The following DENND2A variants were observed in gnomAD, a reference collection of about 807,000 sequenced individuals.
The protein encoded by DENND2A is DENN domain-containing protein 2A.
In DENND2A, 53 loss-of-function variants were observed where a neutral mutation model predicts 105.3. The ratio of observed to expected loss-of-function variants is 0.50; its 90% CI spans 0.40 to 0.63. The LOEUF is 0.63. Among genes scored for constraint, DENND2A ranks in the 30% least tolerant of loss-of-function variants. The pLI is 0.00. For missense variants in DENND2A, 1,138 were observed against 1,279.6 expected, an observed-to-expected ratio of 0.89 and a Z score of 1.69; for synonymous variants, 522 against 508.4, an observed-to-expected ratio of 1.03 and a Z score of -0.36.
intron 3 of DENND2A, among the ~76,000 whole-genome samples, chr7:140,595,113 T>C (rs1799229452): frequency 1.3e-5 from 2 of 152,008 alleles, no homozygotes; most frequent in South Asian, 4.1e-4. Flanking sequence ...TTCATGTGAT[T>C]CTCCTGCCTC....
chr7:140,539,548 T>C lies in DENND2A; in HGVS notation c.2327+5070A>G, dbSNP rs866863731. Among the ~76,000 whole-genome samples, 8 of 152,162 alleles carry C rather than the reference T, an allele frequency of 5.3e-5. No individual in the cohort carries two copies. In the South Asian group the frequency reaches 1.2e-3, roughly 24 times the overall value. ...CCCTGCCCTTCACCCAACCCTGGAGTCTGCAGCCCAGCTGCTTTCCCTCCG... is the reference window on the plus strand; with the variant it reads ...CCCTGCCCTTCACCCAACCCTGGAGCCTGCAGCCCAGCTGCTTTCCCTCCG... On this transcript the variant is annotated intron_variant, in intron 14 of 19. Coordinates refer to ENST00000496613, the MANE Select transcript of DENND2A (RefSeq NM_015689.5).
At chr7:140,531,206 T>G (rs2363830) in intron 14 of DENND2A, among the ~76,000 whole-genome samples, 19,383 of 152,238 alleles carry the variant, frequency 0.13, 2,001 homozygotes, top group African/African-American at 0.28. Context: ...TGAATTCACT[T>G]TGTTCTAAAT....
chr7:140,526,243 T>C (rs1796051769), intron 15 of DENND2A, among the ~76,000 whole-genome samples: 1 of 152,192 alleles, frequency 6.6e-6, no homozygotes, highest in African/African-American at 2.4e-5. Context: ...ACCTGCAGAC[T>C]CGGTTAGGCT....
At position 140,583,726 on chromosome 7, in the gene DENND2A, G is replaced by A. The variant is rs1475931390; in HGVS notation, c.1245+1863C>T. ...GGGCAGATCACAAGGTCAGGAGATCGAGACCATCCTGTGAATGGTGAAACC... is the reference window on the plus strand; with the variant it reads ...GGGCAGATCACAAGGTCAGGAGATCAAGACCATCCTGTGAATGGTGAAACC... On this transcript the variant is annotated intron_variant, in intron 5 of 19. Transcript: ENST00000496613. 4.1e-5 allele frequency among the ~76,000 whole-genome samples: 6 copies of A among 147,760 alleles called. 1 individual carries two copies. The highest frequency in any genetic ancestry group is 7.8e-5 in the African/African-American group (3 of 38,364).
intron 19 of DENND2A, 73 bp downstream of exon 19, chr7:140,519,559 G>A (rs1379711587): frequency 7.2e-7 from 1 of 1,386,312 alleles, no homozygotes; most frequent in Non-Finnish European, 1.0e-6. Context: ...CTCCAGTGGA[G>A]GGAACCGGCT....
chr7:140,545,633 C>CTGGG (rs1796864411), intron 13 of DENND2A, among the ~76,000 whole-genome samples: 1 of 152,182 alleles, frequency 6.6e-6, no homozygotes, highest in Non-Finnish European at 1.5e-5. Context: ...TACAGGCATG[C>CTGGG]TGGGATTACA....
At chr7:140,562,470 G>A (rs991206957) in intron 9 of DENND2A, among the ~76,000 whole-genome samples, 4 of 151,974 alleles carry the variant, frequency 2.6e-5, no homozygotes, top group Non-Finnish European at 4.4e-5. Flanking sequence ...GACCATCCTG[G>A]CTAACATGGT....
At chr7:140,623,315 CAAA>C (rs11321461) in intron 1 of DENND2A, among the ~76,000 whole-genome samples, 6 of 74,876 alleles carry the variant, frequency 8.0e-5, no homozygotes, top group Admixed American at 3.1e-4. Flanking sequence ...GCTCTATCTC[CAAA>C]AAAAAAAAAA....
In DENND2A at chr7:140,574,020, A is replaced by G; in HGVS notation, c.1246-12T>C. 6.2e-7 allele frequency: 1 copy of G among 1,614,140 alleles called. No homozygotes were observed. The highest frequency in any genetic ancestry group is 8.5e-7 in the Non-Finnish European group (1 of 1,180,010). On this transcript the variant is annotated splice_polypyrimidine_tract_variant and intron_variant, in intron 5 of 19. Transcript: ENST00000496613. ...TTGGACAATGACTGCTGTGAAGGAA[A>G]AGGAGAAAAGAAGAGTAAATGAATT...
chr7:140,563,018 C>A (rs1797694083), intron 9 of DENND2A, among the ~76,000 whole-genome samples: 1 of 152,158 alleles, frequency 6.6e-6, no homozygotes, highest in South Asian at 2.1e-4. Context: ...CAAATACCAG[C>A]TGGGTGTAAT....
Position 140,544,577 on chromosome 7 carries a change from T to G in DENND2A, c.2327+41A>C, listed in dbSNP as rs1403141416. Reference sequence around the variant, plus strand: ...ACAGACTAGAGGGTCCAAGAGCGACTGTCATTCAAACGCTTTAGCAGAAGT... The same window carrying G: ...ACAGACTAGAGGGTCCAAGAGCGACGGTCATTCAAACGCTTTAGCAGAAGT... On this transcript the variant is annotated intron_variant, in intron 14 of 19. Transcript: ENST00000496613. 1.9e-6 allele frequency: 3 copies of G among 1,613,604 alleles called. No individual in the cohort carries two copies. In the South Asian group the frequency reaches 3.3e-5, roughly 18 times the overall value.
chr7:140,600,967 A>G (rs1353221525), intron 3 of DENND2A, among the ~76,000 whole-genome samples: 1 of 152,198 alleles, frequency 6.6e-6, no homozygotes, highest in Non-Finnish European at 1.5e-5. Flanking sequence ...AGGCTTCGAG[A>G]GGTTAGATAA....
intron 1 of DENND2A, among the ~76,000 whole-genome samples, chr7:140,612,282 T>C (rs1228576888): frequency 6.6e-6 from 1 of 151,460 alleles, no homozygotes; most frequent in African/African-American, 2.4e-5. Context: ...GAATGTTATG[T>C]GCATTCTATC....
Position 140,546,787 on chromosome 7 carries a change from C to T in DENND2A, c.2178+12G>A. ...GCCTCCCCAGGGAGAAGGAAGGAGT[C>T]TGACAACTCACCTCAGTTCCTGAAC... On this transcript the variant is annotated intron_variant, in intron 13 of 19. Coordinates refer to ENST00000496613, the MANE Select transcript of DENND2A (RefSeq NM_015689.5). 3.7e-6 allele frequency: 6 copies of T among 1,613,724 alleles called. No homozygotes were observed. The highest frequency in any genetic ancestry group is 5.1e-6 in the Non-Finnish European group (6 of 1,179,782).
intron 9 of DENND2A, among the ~76,000 whole-genome samples, chr7:140,566,048 C>G (rs1797822089): frequency 6.6e-6 from 1 of 152,194 alleles, no homozygotes; most frequent in Non-Finnish European, 1.5e-5. Context: ...GCCCTCAGGG[C>G]TGTTCTGTCT....
In DENND2A at chr7:140,602,481, T is replaced by G; in HGVS notation, c.-84A>C. 7.0e-7 allele frequency: 1 copy of G among 1,427,490 alleles called. No individual in the cohort carries two copies. The highest frequency in any genetic ancestry group is 9.2e-7 in the Non-Finnish European group (1 of 1,081,656). 88.4% of individuals were successfully genotyped at this position (1,427,490 alleles called of 1,614,324 possible). A position where few individuals can be genotyped will look rare whatever the true frequency, so the allele number is the denominator to read the frequency against. ...TCCTGATCAGTCTCTAGGAATGGAATGGAGGACTAAAGTGGATGCCTTCGA... is the reference window on the plus strand; with the variant it reads ...TCCTGATCAGTCTCTAGGAATGGAAGGGAGGACTAAAGTGGATGCCTTCGA... On this transcript the variant is annotated 5_prime_UTR_variant, in exon 3 of 20. Transcript: ENST00000496613.
intron 12 of DENND2A, among the ~76,000 whole-genome samples, chr7:140,553,849 A>T (rs904474744): frequency 1.3e-5 from 2 of 152,184 alleles, no homozygotes; most frequent in Non-Finnish European, 2.9e-5. Context: ...AGGCAGAAGA[A>T]TTTTTCTTAG....
intron 5 of DENND2A, 79 bp downstream of exon 5, chr7:140,585,510 T>C: frequency 6.3e-7 from 1 of 1,585,910 alleles, no homozygotes; most frequent in Non-Finnish European, 8.6e-7. Flanking sequence ...GGAATTCCAG[T>C]GCTGGCCGGA....
At chr7:140,552,942 G>C (rs1797197540) in intron 12 of DENND2A, among the ~76,000 whole-genome samples, 2 of 152,302 alleles carry the variant, frequency 1.3e-5, no homozygotes, top group South Asian at 4.2e-4. Context: ...TAGGTGGAGG[G>C]TGGGCAGGAG....
Sources: allele counts gnomAD v4.1 joint callset (sites outside exome capture counted in the v4.1 genomes callset), GRCh38; gene constraint gnomAD v4.1.1; transcripts MANE v1.5; gene names NCBI Gene and HGNC (gene_info 2026-07-23, HGNC 2026-07-21).